The following ALDH7A1 variants were observed in gnomAD, a reference collection of about 807,000 sequenced individuals.
ALDH7A1 encodes alpha-aminoadipic semialdehyde dehydrogenase.
A neutral mutation model predicts 79.9 loss-of-function variants in ALDH7A1; 63 were observed. The observed-to-expected ratio is 0.79, with a 90% CI of 0.64 to 0.97. ALDH7A1 has a LOEUF of 0.97. Among genes scored for constraint, ALDH7A1 ranks in the 50% least tolerant of loss-of-function variants. The pLI is 0.00. For synonymous variants in ALDH7A1, 240 were observed against 231.2 expected (o/e 1.04, Z -0.34); for missense variants, 627 against 665.2 (o/e 0.94, Z 0.63).
chr5:126,552,097 A>G lies in ALDH7A1; in HGVS notation c.1241T>C (p.Val414Ala). Residue 414 changes from valine to alanine, a missense_variant, in exon 14 of 18, where the codon GTG becomes GCG. Transcript: ENST00000409134. ...RPGNYVEPTIVTGLGHDASIA... is the reference protein window; with the variant it reads ...RPGNYVEPTIATGLGHDASIA... Reference sequence around the variant, plus strand: ...GGACGCATCGTGGCCAAGACCTGTCACAATTGTCGGTTCTACATAATTTCC... The same window carrying G: ...GGACGCATCGTGGCCAAGACCTGTCGCAATTGTCGGTTCTACATAATTTCC... 6.2e-7 allele frequency: 1 copy of G among 1,614,130 alleles called. No individual in the cohort carries two copies. The highest frequency in any genetic ancestry group is 1.1e-5 in the South Asian group (1 of 91,064).
At chr5:126,591,255 G>A (rs1216766121) in intron 3 of ALDH7A1, among the ~76,000 whole-genome samples, 1 of 152,096 alleles carries the variant, frequency 6.6e-6, no homozygotes, top group African/African-American at 2.4e-5. Context: ...CTGTTTACTT[G>A]TGGAAGTGGT....
chr5:126,595,054 C>T lies in ALDH7A1; in HGVS notation c.145G>A (p.Glu49Lys), dbSNP rs1751697422. 1 of 1,609,852 alleles carries T rather than the reference C, an allele frequency of 6.2e-7. No individual in the cohort carries two copies. ...YAWLKELGLR[E>K]ENEGVYNGSW... ...CCATTATACACGCCCTCGTTTTCCT[C>T]GCGGAGCCCCAGCTCTTTCAGCCAC... The change falls in exon 1 of 18, where the codon GAG (glutamate) becomes AAG (lysine). Residue 49 changes from glutamate (E) to lysine (K), a missense_variant. Physicochemically the swap from Glu to Lys is moderately conservative, Grantham distance 56. Coordinates refer to ENST00000409134, the MANE Select transcript of ALDH7A1 (RefSeq NM_001182.5).
chr5:126,549,180 G>A (rs1453699427), intron 16 of ALDH7A1, among the ~76,000 whole-genome samples: 1 of 151,768 alleles, frequency 6.6e-6, no homozygotes, highest in Non-Finnish European at 1.5e-5. Context: ...AGACACTCAT[G>A]CATTCAGGCA....
At chr5:126,565,518 T>C (rs1750551730) in intron 9 of ALDH7A1, among the ~76,000 whole-genome samples, 2 of 152,130 alleles carry the variant, frequency 1.3e-5, no homozygotes, top group African/African-American at 2.4e-5. Context: ...ACAAGTTCCT[T>C]ATCAAATGAC....
At chr5:126,546,646 A>G (rs990939099) in intron 16 of ALDH7A1, among the ~76,000 whole-genome samples, 22 of 120,294 alleles carry the variant, frequency 1.8e-4, no homozygotes, top group African/African-American at 8.5e-4. Flanking sequence ...AACAGAAAGA[A>G]ACGGTAAAAA....
In ALDH7A1 at chr5:126,542,172, T is replaced by C. The variant is rs1332972528; in HGVS notation, c.*2793A>G. ...AAAAAAAAAAAAAAAAAAAAGTTTG[T>C]TGGAGACCATAGGAATTTCATAAAA... On this transcript the variant is annotated 3_prime_UTR_variant, in exon 18 of 18. Coordinates refer to ENST00000409134, the MANE Select transcript of ALDH7A1 (RefSeq NM_001182.5). The C allele has an allele frequency of 6.7e-6, 1 of 149,544 alleles. No homozygotes were observed. Among genetic ancestry groups the C allele is most frequent in the Admixed American group, 6.7e-5 (1 of 14,992 alleles). The allele number at this position is 149,544 out of a possible 1,614,324, so 9.3% of individuals were successfully genotyped here. A position where few individuals can be genotyped will look rare whatever the true frequency, so the allele number is the denominator to read the frequency against.
chr5:126,575,423 G>C lies in ALDH7A1; in HGVS notation c.692C>G (p.Thr231Arg), dbSNP rs1397066983. The C allele has an allele frequency of 6.2e-7, 1 of 1,612,972 alleles. No individual in the cohort carries two copies. Among genetic ancestry groups the C allele is most frequent in the Admixed American group, 1.7e-5 (1 of 59,894 alleles). ...PTTSLISVAV[T>R]KIIAKVLEDN... ...AAAGAAAGCCACATGTACTTACTTT[G>C]TGACAGCCACACTAATGAGGGAAGT... The change falls in exon 7 of 18, where the codon ACA becomes AGA. Residue 231 changes from threonine (T) to arginine (R), a missense_variant. Transcript: ENST00000409134.
At chr5:126,574,644 G>C (rs984724962) in intron 7 of ALDH7A1, among the ~76,000 whole-genome samples, 1 of 150,434 alleles carries the variant, frequency 6.6e-6, no homozygotes, top group Non-Finnish European at 1.5e-5. Flanking sequence ...GCAGTGAGCC[G>C]AGATCGCACC....
At chr5:126,563,341 C>A (rs1480737174) in intron 9 of ALDH7A1, among the ~76,000 whole-genome samples, 1 of 152,074 alleles carries the variant, frequency 6.6e-6, no homozygotes, top group African/African-American at 2.4e-5. Context: ...AAAGAAAAAC[C>A]ACTCCATAGC....
At chr5:126,551,984 T>C in intron 14 of ALDH7A1, 37 bp downstream of exon 14, 2 of 1,485,144 alleles carry the variant, frequency 1.3e-6, no homozygotes, top group Non-Finnish European at 1.9e-6. Flanking sequence ...TTATCATTTA[T>C]TTCAACATCA....
intron 5 of ALDH7A1, chr5:126,581,547 G>T (rs868422047): frequency 1.3e-5 from 2 of 152,072 alleles, no homozygotes; most frequent in African/African-American, 4.8e-5. Context: ...CCTGATCCCG[G>T]GGATGTTGAG....
At chr5:126,558,005 T>C (rs1469994231) in intron 11 of ALDH7A1, among the ~76,000 whole-genome samples, 3 of 151,254 alleles carry the variant, frequency 2.0e-5, no homozygotes, top group Non-Finnish European at 4.4e-5. Context: ...TCATCTCTAC[T>C]AAAAATACAA....
intron 13 of ALDH7A1, among the ~76,000 whole-genome samples, chr5:126,553,032 G>A (rs1004764542): frequency 1.8e-4 from 27 of 152,132 alleles, no homozygotes; most frequent in African/African-American, 5.3e-4. Context: ...GTGAGCCACT[G>A]CACCTGGCAA....
rs1445605833 is a variant in ALDH7A1 at position 126,594,975 on chromosome 5, C to A, written c.192+32G>T. On this transcript the variant is annotated intron_variant, in intron 1 of 17. Transcript: ENST00000409134. ...CCCGGCCTCCTCGAGCGAGCCCCGG[C>A]GGCTGCAGAGATTTCTTGAGCGCCC... 8 of 1,562,456 alleles carry A rather than the reference C, an allele frequency of 5.1e-6. No homozygotes were observed. The East Asian group carries it at 9.6e-5, about 19-fold the overall frequency.
intron 11 of ALDH7A1, among the ~76,000 whole-genome samples, chr5:126,556,321 C>A (rs34995966): frequency 2.1e-5 from 3 of 142,996 alleles, no homozygotes; most frequent in Non-Finnish European, 4.5e-5. Flanking sequence ...CAGCTCACTG[C>A]AACCTCCACT....
Position 126,564,880 on chromosome 5 carries a change from T to C in ALDH7A1, c.871+3379A>G, listed in dbSNP as rs572331903. On this transcript the variant is annotated intron_variant, in intron 9 of 17. Coordinates refer to ENST00000409134, the MANE Select transcript of ALDH7A1 (RefSeq NM_001182.5). Reference sequence around the variant, plus strand: ...AGTTCTCTATCAGGCGCTCTCTGACTATACTCCTAACCACCAACTCCTCCA... The same window carrying C: ...AGTTCTCTATCAGGCGCTCTCTGACCATACTCCTAACCACCAACTCCTCCA... 4.7e-4 allele frequency among the ~76,000 whole-genome samples: 71 copies of C among 152,328 alleles called. No individual in the cohort carries two copies. In the South Asian group the frequency reaches 5.4e-3, roughly 12 times the overall value.
At chr5:126,594,383 G>A (rs1466472833) in intron 1 of ALDH7A1, 5 of 393,736 alleles carry the variant, frequency 1.3e-5, no homozygotes, top group Non-Finnish European at 2.1e-5. Context: ...CAGTTGCACC[G>A]CTCAGTGTGC....
chr5:126,555,680 A>G (rs1750167198), intron 12 of ALDH7A1, among the ~76,000 whole-genome samples: 1 of 152,064 alleles, frequency 6.6e-6, no homozygotes, highest in African/African-American at 2.4e-5. Context: ...CAAGGGTAAT[A>G]GTAATGAGAG....
At chr5:126,583,071 G>T in intron 4 of ALDH7A1, 97 bp from the exon 5 acceptor site, 1 of 1,412,280 alleles carries the variant, frequency 7.1e-7, no homozygotes, top group South Asian at 1.2e-5. Context: ...TTTTGTAAAT[G>T]TAATAAACTG....
Sources: gnomAD v4.1 joint callset for allele counts (sites outside exome capture counted in the v4.1 genomes callset) on GRCh38, gnomAD v4.1.1 for gene constraint, MANE v1.5 for transcripts, NCBI Gene and HGNC (gene_info 2026-07-23, HGNC 2026-07-21) for gene names.